IDE: variants seen among roughly 807,000 people sequenced by gnomAD.
IDE encodes insulin degrading enzyme.
In IDE, 58 loss-of-function variants were observed where a neutral mutation model predicts 133.2. That is an observed-to-expected ratio of 0.44 (90% CI 0.35 to 0.54). The LOEUF is 0.54. Ranked by LOEUF, IDE falls within the 20% of genes least tolerant of loss-of-function variation. The probability of loss-of-function intolerance (pLI) is 0.00; values close to 1 mark genes in which losing one functional copy is unlikely to be tolerated. For synonymous variants in IDE, 396 were observed against 421.3 expected (o/e 0.94, Z 0.73); for missense variants, 981 against 1,234.0 (o/e 0.79, Z 3.07).
At chr10:92,521,270 T>C (rs1040906922) in intron 4 of IDE, among the ~76,000 whole-genome samples, 8 of 152,054 alleles carry the variant, frequency 5.3e-5, no homozygotes, top group Admixed American at 5.2e-4. Context: ...GAAAAATACA[T>C]CACCACCTAT....
Position 92,529,082 on chromosome 10 carries a change from AC to A in IDE, c.661+2665del, listed in dbSNP as rs776537256. 2.6e-5 allele frequency among the ~76,000 whole-genome samples: 4 copies of A among 152,212 alleles called. No individual in the cohort carries two copies. In the South Asian group the frequency reaches 6.2e-4, roughly 24 times the overall value. ...ACAGAGCAAGACTGTCTCAAAAAAA[AC>A]AAAACAAAAAAACAAAACAAAACAA... On this transcript the variant is annotated intron_variant, in intron 4 of 24. Coordinates refer to ENST00000265986, the MANE Select transcript of IDE (RefSeq NM_004969.4).
intron 1 of IDE, among the ~76,000 whole-genome samples, chr10:92,546,974 T>G (rs1302508591): frequency 6.6e-6 from 1 of 152,168 alleles, no homozygotes; most frequent in African/African-American, 2.4e-5. Flanking sequence ...CATATAACGT[T>G]AACATTTCTT....
chr10:92,504,756 AT>A (rs766316159), intron 11 of IDE, 37 bp downstream of exon 11: 1 of 1,031,310 alleles, frequency 9.7e-7, no homozygotes, highest in Non-Finnish European at 1.5e-6. Context: ...ATTATTGAAA[AT>A]TTAGTGTATA....
At chr10:92,519,943 A>C (rs1461028238) in intron 4 of IDE, among the ~76,000 whole-genome samples, 1 of 152,170 alleles carries the variant, frequency 6.6e-6, no homozygotes, top group Non-Finnish European at 1.5e-5. Context: ...CGTCCTACTA[A>C]AAATACAAAA....
intron 4 of IDE, among the ~76,000 whole-genome samples, chr10:92,517,038 T>G (rs1480853060): frequency 6.6e-6 from 1 of 152,240 alleles, no homozygotes; most frequent in African/African-American, 2.4e-5. Flanking sequence ...CTTACACTAC[T>G]AAGTGAGATC....
chr10:92,548,849 G>T (rs1275692095), intron 1 of IDE, among the ~76,000 whole-genome samples: 1 of 152,090 alleles, frequency 6.6e-6, no homozygotes, highest in African/African-American at 2.4e-5. Flanking sequence ...ACCAACCCTC[G>T]CTGAGGACAT....
At chr10:92,566,682 G>A (rs1843571212) in intron 1 of IDE, among the ~76,000 whole-genome samples, 1 of 151,780 alleles carries the variant, frequency 6.6e-6, no homozygotes, top group South Asian at 2.1e-4. Context: ...AAAGACCTAG[G>A]ATTTGATAGC....
intron 4 of IDE, among the ~76,000 whole-genome samples, chr10:92,524,364 T>A (rs1340916297): frequency 0.012 from 60 of 4,964 alleles, 5 homozygotes; most frequent in African/African-American, 0.016. Context: ...TATTTTATAT[T>A]ATAATATATA....
At chr10:92,545,040 C>T (rs1842478759) in intron 1 of IDE, among the ~76,000 whole-genome samples, 1 of 151,996 alleles carries the variant, frequency 6.6e-6, no homozygotes, top group South Asian at 2.1e-4. Flanking sequence ...ATTCAACAAC[C>T]ATTCACGTAT....
intron 4 of IDE, among the ~76,000 whole-genome samples, chr10:92,523,722 G>C (rs1392047280): frequency 7.2e-6 from 1 of 139,838 alleles, no homozygotes; most frequent in Non-Finnish European, 1.6e-5. Context: ...AAAAAAAAAA[G>C]TCACGCACAC....
At chr10:92,517,230 G>A (rs910400960) in intron 4 of IDE, among the ~76,000 whole-genome samples, 2 of 152,194 alleles carry the variant, frequency 1.3e-5, no homozygotes, top group African/African-American at 4.8e-5. Context: ...TAGCTCAGTA[G>A]TGCTGCACAG....
At chr10:92,563,805 TAAAAAAATCTTA>T (rs1843394753) in intron 1 of IDE, among the ~76,000 whole-genome samples, 1 of 151,850 alleles carries the variant, frequency 6.6e-6, no homozygotes. Flanking sequence ...TAAGTTCAAT[TAAAAAAATCTTA>T]AAGTTCAATT....
intron 14 of IDE, among the ~76,000 whole-genome samples, chr10:92,482,803 T>C (rs1294054816): frequency 1.3e-5 from 2 of 152,060 alleles, no homozygotes; most frequent in Non-Finnish European, 2.9e-5. Flanking sequence ...GCTCTCCTTT[T>C]TTTTCTTTTC....
chr10:92,559,422 T>C (rs538364257), intron 1 of IDE, among the ~76,000 whole-genome samples: 7 of 152,318 alleles, frequency 4.6e-5, no homozygotes, highest in Admixed American at 1.3e-4. Flanking sequence ...ATCCATACAA[T>C]GCAATACTAT....
At chr10:92,500,278 C>T (rs1589429955) in intron 11 of IDE, among the ~76,000 whole-genome samples, 1 of 145,452 alleles carries the variant, frequency 6.9e-6, no homozygotes, top group African/African-American at 2.6e-5. Context: ...GCCTGGGCAA[C>T]AAGAGTGAAA....
intron 22 of IDE, among the ~76,000 whole-genome samples, chr10:92,459,364 T>C (rs1039542978): frequency 6.6e-6 from 1 of 152,214 alleles, no homozygotes; most frequent in Non-Finnish European, 1.5e-5. Context: ...TCAAGCCTCA[T>C]TGTACCACTA....
intron 11 of IDE, among the ~76,000 whole-genome samples, chr10:92,493,147 T>C (rs1355399694): frequency 6.6e-6 from 1 of 152,216 alleles, no homozygotes; most frequent in East Asian, 1.9e-4. Flanking sequence ...GAATCCCGTT[T>C]GAGGTGTATG....
intron 4 of IDE, among the ~76,000 whole-genome samples, chr10:92,524,484 T>TATA (rs1343423611): frequency 2.6e-4 from 7 of 27,182 alleles, no homozygotes; most frequent in African/African-American, 1.2e-3. Context: ...ATAATATATA[T>TATA]TATATTATAA....
At chr10:92,476,265 C>G (rs1846248031) in intron 15 of IDE, among the ~76,000 whole-genome samples, 2 of 151,856 alleles carry the variant, frequency 1.3e-5, no homozygotes, top group African/African-American at 4.8e-5. Context: ...CCTCAGCCTC[C>G]CAGGTTCAGG....
Sources: gnomAD v4.1 joint callset for allele counts (sites outside exome capture counted in the v4.1 genomes callset) on GRCh38, gnomAD v4.1.1 for gene constraint, MANE v1.5 for transcripts, NCBI Gene and HGNC (gene_info 2026-07-23, HGNC 2026-07-21) for gene names.